NEMP1: variants seen among roughly 807,000 people sequenced by gnomAD.
NEMP1 encodes the protein transmembrane protein 194.
In NEMP1, 29 loss-of-function variants were observed where a neutral mutation model predicts 53.7. The ratio of observed to expected loss-of-function variants is 0.54; its 90% CI spans 0.40 to 0.74. The LOEUF is 0.74. Among genes scored for constraint, NEMP1 ranks in the 30% least tolerant of loss-of-function variants. The pLI, the probability that NEMP1 is intolerant of heterozygous loss-of-function variation, is 0.00. For synonymous variants in NEMP1, 193 were observed against 192.9 expected (o/e 1.00, Z 0.00); for missense variants, 477 against 528.6 (o/e 0.90, Z 0.96).
At position 57,072,685 on chromosome 12, in the gene NEMP1, AT is replaced by A. The variant is rs891458819; in HGVS notation, c.252+102del. 1.5e-4 allele frequency: 196 copies of A among 1,286,858 alleles called. No individual in the cohort carries two copies. In the African/African-American group the frequency reaches 1.8e-3, roughly 12 times the overall value. The allele number at this position is 1,286,858 out of a possible 1,614,324, so 79.7% of individuals were successfully genotyped here. A position where few individuals can be genotyped will look rare whatever the true frequency, so the allele number is the denominator to read the frequency against. On this transcript the variant is annotated intron_variant, in intron 2 of 8. Transcript: ENST00000300128. ...CAACCCTAACAAGATTGTTAACAAC[AT>A]TTTTTTTAAGCATGTGAAGGGGAAG...
rs539621280 is a variant in NEMP1, at chr12:57,063,142, A to C, written c.957T>G (p.Ile319Met). 2 of 1,613,950 alleles carry C rather than the reference A, an allele frequency of 1.2e-6. No individual in the cohort carries two copies. The highest frequency in any genetic ancestry group is 4.5e-5 in the East Asian group (2 of 44,886). The change falls in exon 7 of 9, where the codon ATT becomes ATG. Residue 319 changes from isoleucine to methionine, a missense_variant. Ile to Met is a conservative substitution (Grantham distance 10, BLOSUM62 1). Transcript: ENST00000300128. Reference protein sequence around the residue: ...ALCTKNLEHPIQWLYITCRKV... With the variant: ...ALCTKNLEHPMQWLYITCRKV... ...ACCTGCAGGTGATGTACAGCCACTG[A>C]ATAGGGTGTTCCAGGTTCTTAGTAC...
At chr12:57,063,927 A>C (rs1012237896) in intron 6 of NEMP1, 144 bp downstream of exon 6, 62 of 541,794 alleles carry the variant, frequency 1.1e-4, no homozygotes, top group Non-Finnish European at 1.3e-5. Context: ...GGGATTAGAA[A>C]TAAGTGAAAA....
chr12:57,085,768 G>A (rs2032972353), intron 1 of NEMP1, among the ~76,000 whole-genome samples: 1 of 152,260 alleles, frequency 6.6e-6, no homozygotes, highest in African/African-American at 2.4e-5. Flanking sequence ...AGGCCAAGGA[G>A]CCAGATTTGT....
chr12:57,070,298 T>A (rs992308439), intron 3 of NEMP1, among the ~76,000 whole-genome samples: 1 of 152,276 alleles, frequency 6.6e-6, no homozygotes, highest in Non-Finnish European at 1.5e-5. Context: ...AATGTAGGCA[T>A]GTACACATCA....
Position 57,062,344 on chromosome 12 carries a change from G to A in NEMP1, c.980+775C>T, listed in dbSNP as rs117014904. On this transcript the variant is annotated intron_variant, in intron 7 of 8. Coordinates refer to ENST00000300128, the MANE Select transcript of NEMP1 (RefSeq NM_001130963.2). ...AAAATACAAAAATTAGCCAGGCATA[G>A]TGGCGCCCACCCGTAGTCCCAACTA... 4.6e-3 allele frequency among the ~76,000 whole-genome samples: 702 copies of A among 152,178 alleles called. 19 individuals carry two copies. The East Asian group carries it at 0.08, about 17-fold the overall frequency.
intron 4 of NEMP1, among the ~76,000 whole-genome samples, chr12:57,066,677 T>TTCAC (rs2032092827): frequency 6.6e-6 from 1 of 152,204 alleles, no homozygotes; most frequent in Non-Finnish European, 1.5e-5. Flanking sequence ...ATCGATGAAG[T>TTCAC]TCACTGTCTA....
chr12:57,069,388 T>C (rs531808498), intron 3 of NEMP1, 82 bp from the exon 4 acceptor site: 3 of 869,206 alleles, frequency 3.5e-6, no homozygotes, highest in East Asian at 2.9e-5. Flanking sequence ...GTTGGCACTA[T>C]TGGTCAGCTA....
At chr12:57,065,646 C>T (rs1351270783) in intron 4 of NEMP1, among the ~76,000 whole-genome samples, 1 of 151,558 alleles carries the variant, frequency 6.6e-6, no homozygotes, top group Non-Finnish European at 1.5e-5. Flanking sequence ...CTCAGCCTCC[C>T]GAGTAGCTGG....
chr12:57,072,798 G>A lies in NEMP1; in HGVS notation c.242C>T (p.Thr81Ile). ...ATTCCAAGTTATTACCTGTATCCGT[G>A]TCCATATATCATGCCATTTTGGGAT... ...VLIPKWHDIW[T>I]RIQIRVNSSR... Residue 81 changes from threonine to isoleucine, a missense_variant, in exon 2 of 9, where the codon ACA (threonine) becomes ATA (isoleucine). Physicochemically the swap from Thr to Ile is moderately conservative, Grantham distance 89. Transcript: ENST00000300128. 1 of 1,607,320 alleles carries A rather than the reference G, an allele frequency of 6.2e-7. No homozygotes were observed. Among genetic ancestry groups the A allele is most frequent in the South Asian group, 1.1e-5 (1 of 89,620 alleles).
chr12:57,063,758 C>T (rs1172289642), intron 6 of NEMP1, among the ~76,000 whole-genome samples: 1 of 152,048 alleles, frequency 6.6e-6, no homozygotes, highest in African/African-American at 2.4e-5. Context: ...CTTAAGGTCC[C>T]CAAGTATATT....
chr12:57,067,400 G>A (rs2032142870), intron 4 of NEMP1, among the ~76,000 whole-genome samples: 1 of 151,742 alleles, frequency 6.6e-6, no homozygotes, highest in African/African-American at 2.4e-5. Context: ...TGCAACAGCA[G>A]CATCAAAGAT....
chr12:57,085,009 C>T (rs1040718605), intron 1 of NEMP1, among the ~76,000 whole-genome samples: 2 of 152,052 alleles, frequency 1.3e-5, no homozygotes, highest in Non-Finnish European at 2.9e-5. Flanking sequence ...TGTAATGTAC[C>T]TGTACACCTC....
At chr12:57,064,275 A>T (rs1290272757) in intron 5 of NEMP1, 90 bp from the exon 6 acceptor site, 2 of 784,152 alleles carry the variant, frequency 2.6e-6, no homozygotes, top group African/African-American at 1.8e-5. Flanking sequence ...TTTTTTTTTA[A>T]AAAATTCAAC....
At chr12:57,069,054 T>G (rs1440915691) in intron 4 of NEMP1, among the ~76,000 whole-genome samples, 180 bp downstream of exon 4, 1 of 152,110 alleles carries the variant, frequency 6.6e-6, no homozygotes, top group Non-Finnish European at 1.5e-5. Context: ...TCAACATTGT[T>G]CAAATAAGAA....
chr12:57,063,390 G>T (rs2031917648), intron 6 of NEMP1, 46 bp from the exon 7 acceptor site: 1 of 1,518,360 alleles, frequency 6.6e-7, no homozygotes, highest in Non-Finnish European at 9.1e-7. Context: ...TCTATACTTG[G>T]TAAAAATAAT....
At position 57,083,877 on chromosome 12, in the gene NEMP1, G is replaced by A. The variant is rs935002158; in HGVS notation, n.113+4074C>T. On this transcript the variant is annotated intron_variant and non_coding_transcript_variant, in intron 1 of 2. Transcript: ENST00000553654. ...CAACTTCTGCTTCCCAGGTTCAAGC[G>A]ATTCTCATGCCTCCACCTCCCGAGT... Among the ~76,000 whole-genome samples the A allele has an allele frequency of 3.9e-5, 6 of 152,306 alleles. No individual in the cohort carries two copies. The East Asian group carries it at 5.8e-4, about 15-fold the overall frequency.
chr12:57,081,992 G>A (rs973553883), upstream of NEMP1, among the ~76,000 whole-genome samples: 5 of 151,516 alleles, frequency 3.3e-5, no homozygotes, highest in Admixed American at 6.6e-5. Context: ...GCCAAGGCGG[G>A]CGAATCACGA....
intron 3 of NEMP1, 24 bp from the exon 4 acceptor site, chr12:57,069,330 TTAA>T (rs1267114513): frequency 8.1e-6 from 12 of 1,486,536 alleles, no homozygotes; most frequent in Non-Finnish European, 9.1e-6. Flanking sequence ...AGATTTTTGC[TTAA>T]TAAGGGAACA....
chr12:57,062,807 G>A (rs1407044178), intron 7 of NEMP1, among the ~76,000 whole-genome samples: 2 of 152,112 alleles, frequency 1.3e-5, no homozygotes, highest in Non-Finnish European at 2.9e-5. Flanking sequence ...TCACGCCACT[G>A]CACTCCAGCC....
Sources: allele counts gnomAD v4.1 joint callset (sites outside exome capture counted in the v4.1 genomes callset), GRCh38; gene constraint gnomAD v4.1.1; transcripts MANE v1.5; gene names NCBI Gene and HGNC (gene_info 2026-07-23, HGNC 2026-07-21).